The following LPA variants were observed in gnomAD, a reference collection of about 807,000 sequenced individuals.
LPA encodes apolipoprotein(a).
Under a neutral mutation model 197.9 loss-of-function variants are expected in LPA, and 199 were observed. The observed-to-expected ratio is 1.01, with a 90% CI of 0.90 to 1.13. The LOEUF (loss-of-function observed/expected upper bound fraction) is 1.13, where lower values mean the gene tolerates loss of function less well. LPA is among the 50% of genes most tolerant of loss of function. The pLI, the probability that LPA is intolerant of heterozygous loss-of-function variation, is 0.00. For synonymous variants in LPA, 715 were observed against 639.5 expected, an observed-to-expected ratio of 1.12 and a Z score of -1.78; for missense variants, 1,853 against 1,785.8, an observed-to-expected ratio of 1.04 and a Z score of -0.68.
chr6:160,647,387 G>C (rs977513592), intron 2 of LPA, among the ~76,000 whole-genome samples: 14 of 152,224 alleles, frequency 9.2e-5, no homozygotes, highest in East Asian at 3.9e-4. Flanking sequence ...TTCATGACCT[G>C]TGGCTGCCTG....
intron 37 of LPA, among the ~76,000 whole-genome samples, chr6:160,537,361 A>G (rs1456343470): frequency 6.6e-6 from 1 of 151,870 alleles, no homozygotes; most frequent in African/African-American, 2.4e-5. Flanking sequence ...CCTCACACAC[A>G]CATTAGACAT....
chr6:160,601,221 A>T, intron 18 of LPA, 123 bp from the exon 19 acceptor site: 1 of 797,282 alleles, frequency 1.3e-6, no homozygotes, highest in South Asian at 1.5e-5. Context: ...ATACCATACA[A>T]TTGCCACAAT....
At chr6:160,577,029 T>G in intron 28 of LPA, 107 bp downstream of exon 28, 1 of 1,408,400 alleles carries the variant, frequency 7.1e-7, no homozygotes, top group Non-Finnish European at 1.0e-6. Flanking sequence ...TGCCAAAATG[T>G]GAGTCTAAGA....
intron 19 of LPA, among the ~76,000 whole-genome samples, chr6:160,599,878 G>A (rs1779205259): frequency 6.6e-6 from 1 of 152,188 alleles, no homozygotes; most frequent in African/African-American, 2.4e-5. Context: ...AATATTTCAT[G>A]TAAAACTTAG....
At chr6:160,656,003 C>T (rs909865216) in intron 1 of LPA, among the ~76,000 whole-genome samples, 13 of 152,162 alleles carry the variant, frequency 8.5e-5, no homozygotes, top group Admixed American at 8.5e-4. Context: ...CTTGCCAAGC[C>T]AATGGCTGCA....
Position 160,654,049 on chromosome 6 carries a change from TAA to T in LPA, c.50-3554_50-3553del, listed in dbSNP as rs1780077422. 2.1e-4 allele frequency among the ~76,000 whole-genome samples: 2 copies of T among 9,512 alleles called. 1 individual carries two copies. The highest frequency in any genetic ancestry group is 4.6e-3 in the Admixed American group (2 of 436). The allele number at this position is 9,512 out of a possible 152,430, so 6.2% of individuals were successfully genotyped here. A position where few individuals can be genotyped will look rare whatever the true frequency, so the allele number is the denominator to read the frequency against. ...TATAATATATATTATATATAATATA[TAA>T]TATATTATATATATTATATATAATA... On this transcript the variant is annotated intron_variant, in intron 1 of 38. Coordinates refer to ENST00000316300, the MANE Select transcript of LPA (RefSeq NM_005577.4).
intron 22 of LPA, among the ~76,000 whole-genome samples, chr6:160,591,796 A>G (rs1052059470): frequency 6.7e-5 from 10 of 148,288 alleles, no homozygotes; most frequent in African/African-American, 2.5e-4. Flanking sequence ...TTGTTGGTCT[A>G]TTTTCTTGTT....
intron 30 of LPA, among the ~76,000 whole-genome samples, chr6:160,551,290 C>A (rs752159406): frequency 3.9e-5 from 6 of 152,228 alleles, no homozygotes; most frequent in Admixed American, 1.3e-4. Context: ...TTTTTCATGG[C>A]TGAGATACTG....
intron 28 of LPA, among the ~76,000 whole-genome samples, chr6:160,567,997 TA>T: frequency 6.6e-6 from 1 of 152,076 alleles, no homozygotes; most frequent in Non-Finnish European, 1.5e-5. Context: ...ATTGAGGCAA[TA>T]ATTAAGAGCC....
intron 28 of LPA, among the ~76,000 whole-genome samples, chr6:160,561,434 T>C (rs1778360179): frequency 6.6e-6 from 1 of 152,220 alleles, no homozygotes; most frequent in Admixed American, 6.5e-5. Context: ...ATATATCTGT[T>C]TTGGTACCAG....
chr6:160,588,872 T>C (rs1371981567), intron 24 of LPA, among the ~76,000 whole-genome samples: 1 of 152,172 alleles, frequency 6.6e-6, no homozygotes, highest in African/African-American at 2.4e-5. Flanking sequence ...GCCTACCATA[T>C]CTGTTGTCCA....
At chr6:160,578,416 C>T in intron 27 of LPA, 107 bp downstream of exon 27, 2 of 1,400,952 alleles carry the variant, frequency 1.4e-6, no homozygotes. Context: ...CTCCACATTG[C>T]AGACCCTCAA....
chr6:160,544,186 A>G (rs1234179675), intron 33 of LPA, among the ~76,000 whole-genome samples: 2 of 152,130 alleles, frequency 1.3e-5, no homozygotes, highest in South Asian at 2.1e-4. Flanking sequence ...GAGGCAGGTA[A>G]GTCAGACTGG....
rs188569005 is a variant in LPA, at chr6:160,595,594, G to A, written c.3288-59C>T. 3,025 of 1,612,214 alleles carry A rather than the reference G, an allele frequency of 1.9e-3. 8 individuals are homozygous for A. The highest frequency in any genetic ancestry group is 2.1e-3 in the Non-Finnish European group (2,506 of 1,179,180). ...ATGGGAGAAGATTCAAGGGCACTTAGCGCCCTCTACATTTTGCTGTAACAA... is the reference window on the plus strand; with the variant it reads ...ATGGGAGAAGATTCAAGGGCACTTAACGCCCTCTACATTTTGCTGTAACAA... On this transcript the variant is annotated intron_variant, in intron 20 of 38. Coordinates refer to ENST00000316300, the MANE Select transcript of LPA (RefSeq NM_005577.4).
Position 160,594,006 on chromosome 6 carries a change from GA to G in LPA, c.3580del (p.Ser1194LeufsTer2), listed in dbSNP as rs1233766964. 1 of 1,613,862 alleles carries G rather than the reference GA, an allele frequency of 6.2e-7. No individual in the cohort carries two copies. The highest frequency in any genetic ancestry group is 8.5e-7 in the Non-Finnish European group (1 of 1,179,888). ...VTGRTCQSWS[S>X]MTPHWHQRTT... ...CCTCTGATGCCAGTGTGGTGTCATA[GA>G]GGACCAAGACTGACATGTCCTTCCT... On this transcript the variant is annotated frameshift_variant, in exon 22 of 39. Coordinates refer to ENST00000316300, the MANE Select transcript of LPA (RefSeq NM_005577.4). LOFTEE classifies it high-confidence loss of function.
chr6:160,589,499 A>G lies in LPA; in HGVS notation c.3947+54T>C. On this transcript the variant is annotated intron_variant, in intron 24 of 38. Transcript: ENST00000316300. ...AGTTAGCTGGAAGCATGGCTCTTCCAGGAGAAATTTAAGTGGGTGGCTGTT... is the reference window on the plus strand; with the variant it reads ...AGTTAGCTGGAAGCATGGCTCTTCCGGGAGAAATTTAAGTGGGTGGCTGTT... 4 of 1,602,308 alleles carry G rather than the reference A, an allele frequency of 2.5e-6. No individual in the cohort carries two copies. In the South Asian group the frequency reaches 4.4e-5, roughly 18 times the overall value.
At chr6:160,576,390 G>GTGTATA (rs1269473870) in intron 28 of LPA, among the ~76,000 whole-genome samples, 49 of 46,118 alleles carry the variant, frequency 1.1e-3, no homozygotes, top group Non-Finnish European at 1.4e-3. Context: ...ATATATATAT[G>GTGTATA]TATATATATA....
chr6:160,594,911 T>C (rs1047166112), intron 21 of LPA, among the ~76,000 whole-genome samples: 3 of 152,178 alleles, frequency 2.0e-5, no homozygotes, highest in African/African-American at 7.2e-5. Context: ...AAAGTCATAT[T>C]AGGTTTCTCA....
rs543230905 is a variant in LPA, at chr6:160,580,549, T to C, written c.4290-1845A>G. 3.3e-5 allele frequency among the ~76,000 whole-genome samples: 5 copies of C among 152,334 alleles called. No homozygotes were observed. The East Asian group carries it at 9.6e-4, about 29-fold the overall frequency. On this transcript the variant is annotated intron_variant, in intron 26 of 38. Coordinates refer to ENST00000316300, the MANE Select transcript of LPA (RefSeq NM_005577.4). ...ACCAGCATATGAGAGAGTGGCACAT[T>C]CTAGCTCCAAATCGGTGACACCACT... is the stretch of plus-strand genomic sequence containing the variant.
Sources: allele counts gnomAD v4.1 joint callset (sites outside exome capture counted in the v4.1 genomes callset), GRCh38; gene constraint gnomAD v4.1.1; transcripts MANE v1.5; gene names NCBI Gene and HGNC (gene_info 2026-07-23, HGNC 2026-07-21).